ACER3: variants seen among roughly 807,000 people sequenced by gnomAD.
ACER3 encodes alkaline ceramidase 3.
Under a neutral mutation model 48.9 loss-of-function variants are expected in ACER3, and 16 were observed. The observed-to-expected ratio is 0.33, with a 90% CI of 0.22 to 0.50. The LOEUF (loss-of-function observed/expected upper bound fraction) is 0.50. ACER3 is among the 20% of genes least tolerant of loss of function. The pLI, the probability that ACER3 is intolerant of heterozygous loss-of-function variation, is 0.98. For synonymous variants in ACER3, 109 were observed against 107.8 expected (o/e 1.01, Z -0.07); for missense variants, 227 against 326.0 (o/e 0.70, Z 2.34).
rs1277650243 is a variant in ACER3 at position 76,903,224 on chromosome 11, T to A, written c.104-23333T>A. Among the ~76,000 whole-genome samples, 4 of 152,318 alleles carry A rather than the reference T, an allele frequency of 2.6e-5. No homozygotes were observed. The Middle Eastern group carries it at 0.01, about 389-fold the overall frequency. On this transcript the variant is annotated intron_variant, in intron 1 of 10. Transcript: ENST00000532485. The stretch of plus-strand genomic sequence containing the variant: ...AGTATACCTGGACAGTTCAAACCTG[T>A]GTTGTTCCAGAGTCAACTATATGTG...
chr11:76,907,853 A>G (rs141806225), intron 1 of ACER3, among the ~76,000 whole-genome samples: 2,294 of 152,298 alleles, frequency 0.015, 59 homozygotes, highest in East Asian at 0.12. Context: ...CCTGGGCGAC[A>G]CAGTGAGATC....
intron 5 of ACER3, among the ~76,000 whole-genome samples, chr11:76,986,923 G>A (rs1327778324): frequency 6.6e-6 from 1 of 152,046 alleles, no homozygotes; most frequent in Non-Finnish European, 1.5e-5. Flanking sequence ...AAAATTAGCT[G>A]GGTGTGGTGG....
intron 2 of ACER3, among the ~76,000 whole-genome samples, chr11:76,946,211 G>A (rs1025924692): frequency 6.6e-6 from 1 of 152,170 alleles, no homozygotes; most frequent in Non-Finnish European, 1.5e-5. Context: ...AGCCAGGCAG[G>A]AGATGCAGCC....
At chr11:76,977,815 C>G (rs1354466719) in intron 4 of ACER3, among the ~76,000 whole-genome samples, 1 of 152,204 alleles carries the variant, frequency 6.6e-6, no homozygotes, top group East Asian at 1.9e-4. Flanking sequence ...CTGGGCATCC[C>G]TGCACTCTTG....
At position 77,026,198 on chromosome 11, in the gene ACER3, C is replaced by T. The variant is rs1555025726; in HGVS notation, c.*5871C>T. 6.6e-6 allele frequency: 1 copy of T among 152,158 alleles called. No individual in the cohort carries two copies. The highest frequency in any genetic ancestry group is 2.4e-5 in the African/African-American group (1 of 41,432). The allele number at this position is 152,158 out of a possible 1,614,324, so 9.4% of individuals were successfully genotyped here. ...AGTTGAGATCTTTTGACCATTTTTT[C>T]TCATGTCATATAAAATGTGCCACAT... On this transcript the variant is annotated 3_prime_UTR_variant, in exon 11 of 11. Transcript: ENST00000532485.
intron 3 of ACER3, among the ~76,000 whole-genome samples, chr11:76,974,499 A>G (rs1485701244): frequency 6.6e-6 from 1 of 152,240 alleles, no homozygotes; most frequent in Non-Finnish European, 1.5e-5. Context: ...GAGAGGTATC[A>G]GGAAGTAGAA....
At chr11:76,960,475 A>G (rs6592687) in intron 3 of ACER3, among the ~76,000 whole-genome samples, 86,769 of 151,920 alleles carry the variant, frequency 0.57, 27,983 homozygotes, top group Non-Finnish European at 0.74. Context: ...TTCTCTCTCT[A>G]TATATAATCA....
chr11:76,884,702 G>A (rs947859669), intron 1 of ACER3, among the ~76,000 whole-genome samples: 7 of 152,094 alleles, frequency 4.6e-5, no homozygotes, highest in African/African-American at 1.4e-4. Flanking sequence ...ATGTAATTTA[G>A]TGCAAATATG....
At chr11:76,899,383 T>C in intron 1 of ACER3, among the ~76,000 whole-genome samples, 1 of 152,236 alleles carries the variant, frequency 6.6e-6, no homozygotes, top group East Asian at 1.9e-4. Context: ...AGCAGTGTAA[T>C]AGTTATATTG....
At chr11:76,911,049 C>T (rs964150276) in intron 1 of ACER3, among the ~76,000 whole-genome samples, 1 of 152,092 alleles carries the variant, frequency 6.6e-6, no homozygotes, top group African/African-American at 2.4e-5. Context: ...TTACCCAATC[C>T]AGACCCCAAG....
At position 76,962,622 on chromosome 11, in the gene ACER3, A is replaced by G. The variant is rs141506598; in HGVS notation, c.267+3591A>G. Among the ~76,000 whole-genome samples, 107 of 151,644 alleles carry G rather than the reference A, an allele frequency of 7.1e-4. 4 individuals are homozygous for G. Among genetic ancestry groups the G allele is most frequent in the African/African-American group, 2.3e-3 (93 of 40,892 alleles). On this transcript the variant is annotated intron_variant, in intron 3 of 10. Coordinates refer to ENST00000532485, the MANE Select transcript of ACER3 (RefSeq NM_018367.7). ...AGTCCCCAAACAGCAGTGGACCTCTATCCTAGCCAATGTCTAGGCTCTTGG... is the reference window on the plus strand; with the variant it reads ...AGTCCCCAAACAGCAGTGGACCTCTGTCCTAGCCAATGTCTAGGCTCTTGG...
At chr11:76,969,465 A>G (rs1948232993) in intron 3 of ACER3, among the ~76,000 whole-genome samples, 1 of 152,170 alleles carries the variant, frequency 6.6e-6, no homozygotes, top group African/African-American at 2.4e-5. Context: ...AAAGGATTAT[A>G]AATCATGCTG....
intron 1 of ACER3, among the ~76,000 whole-genome samples, chr11:76,898,260 A>T (rs1413110486): frequency 1.3e-5 from 2 of 152,256 alleles, no homozygotes; most frequent in Admixed American, 1.3e-4. Context: ...CAAAAAGGGT[A>T]CATCAACCAC....
At chr11:76,975,864 T>TTTTTTC (rs1555014786) in intron 3 of ACER3, among the ~76,000 whole-genome samples, 1 of 146,550 alleles carries the variant, frequency 6.8e-6, no homozygotes. Context: ...CTGAAACCTT[T>TTTTTTC]TTTTCTTTTC....
chr11:76,991,154 T>C (rs1024183971), intron 6 of ACER3, among the ~76,000 whole-genome samples: 1 of 152,186 alleles, frequency 6.6e-6, no homozygotes, highest in Non-Finnish European at 1.5e-5. Flanking sequence ...TAATTGGGAA[T>C]TATTATATAC....
chr11:76,946,922 C>T (rs1219099538), intron 2 of ACER3, among the ~76,000 whole-genome samples: 2 of 152,130 alleles, frequency 1.3e-5, no homozygotes, highest in Non-Finnish European at 1.5e-5. Flanking sequence ...ATTGTAAAAG[C>T]CCATTTTGGA....
At chr11:76,910,659 G>C (rs1946355458) in intron 1 of ACER3, among the ~76,000 whole-genome samples, 2 of 152,024 alleles carry the variant, frequency 1.3e-5, no homozygotes, top group Admixed American at 1.3e-4. Flanking sequence ...CATATAAATA[G>C]TTTAGTAACC....
chr11:76,992,470 A>T (rs994567655), intron 6 of ACER3, among the ~76,000 whole-genome samples: 28 of 152,186 alleles, frequency 1.8e-4, no homozygotes, highest in African/African-American at 6.5e-4. Flanking sequence ...TTTTCCACTA[A>T]TGAAGATTTT....
intron 5 of ACER3, among the ~76,000 whole-genome samples, chr11:76,989,281 T>G (rs1948749629): frequency 6.6e-6 from 1 of 150,426 alleles, no homozygotes. Flanking sequence ...GTACTGAGGG[T>G]AGAAACTTCT....
Sources: allele counts gnomAD v4.1 joint callset (sites outside exome capture counted in the v4.1 genomes callset), GRCh38; gene constraint gnomAD v4.1.1; transcripts MANE v1.5; gene names NCBI Gene and HGNC (gene_info 2026-07-23, HGNC 2026-07-21).